PRAMEF1: variants seen among roughly 807,000 people sequenced by gnomAD.
PRAMEF1 encodes PRAME family member 1.
In PRAMEF1, 21 loss-of-function variants were observed where a neutral mutation model predicts 38.2. The ratio of observed to expected loss-of-function variants is 0.55; its 90% CI spans 0.39 to 0.79. The LOEUF is 0.79. PRAMEF1 is among the 30% of genes least tolerant of loss of function. PRAMEF1 has a pLI of 0.00. For synonymous variants in PRAMEF1, 200 were observed against 229.0 expected, an observed-to-expected ratio of 0.87 and a Z score of 1.14; for missense variants, 497 against 565.8, an observed-to-expected ratio of 0.88 and a Z score of 1.23.
In PRAMEF1 at chr1:12,794,977, A is replaced by G; in HGVS notation, c.867-461A>G. ...TTTTGAACTCCAGGAAAGGTAATTG[A>G]CATGGGAAATGCGTGCTTCCGGGAT... On this transcript the variant is annotated intron_variant, in intron 3 of 3. Transcript: ENST00000332296. 2.3e-6 allele frequency: 3 copies of G among 1,322,254 alleles called. 1 individual carries two copies. Among genetic ancestry groups the G allele is most frequent in the Non-Finnish European group, 3.0e-6 (3 of 1,003,344 alleles). 81.9% of individuals were successfully genotyped at this position (1,322,254 alleles called of 1,614,324 possible).
rs765213758 is a variant in PRAMEF1, at chr1:12,794,107, G to A, written c.480G>A (p.Gln160=). Residue 160 remains glutamine, a synonymous_variant, in exon 3 of 4, where the codon CAG becomes CAA. Coordinates refer to ENST00000332296, the MANE Select transcript of PRAMEF1 (RefSeq NM_023013.4). The part of the protein sequence containing the change: ...FIDICLKEIP[Q]DECLRYLFQW... ...ACATCTGCCTCAAGGAAATACCCCA[G>A]GATGAATGCCTGAGATACCTCTTCC... The A allele has an allele frequency of 4.3e-6, 7 of 1,609,746 alleles. No homozygotes were observed. The highest frequency in any genetic ancestry group is 5.9e-6 in the Non-Finnish European group (7 of 1,178,712).
chr1:12,792,040 C>G (rs1342231658), intron 1 of PRAMEF1, among the ~76,000 whole-genome samples: 2 of 149,334 alleles, frequency 1.3e-5, no homozygotes, highest in African/African-American at 2.5e-5. Context: ...TTTTTTTTTT[C>G]AGATGGAGTT....
rs1285591262 is a variant in PRAMEF1 at position 12,795,444 on chromosome 1, C to T, written c.873C>T (p.Leu291=). 6.2e-7 allele frequency: 1 copy of T among 1,611,258 alleles called. No homozygotes were observed. The highest frequency in any genetic ancestry group is 2.2e-5 in the East Asian group (1 of 44,660). ...SGHLEQLIRC[L]QNPLENLELT... is the part of the protein sequence containing the mutation. ...AACTTCTTGATCTCCACAGGTGCCT[C>T]CAGAACCCCTTGGAGAACTTGGAAT... Residue 291 remains leucine, a synonymous_variant, in exon 4 of 4, where the codon CTC becomes CTT. Coordinates refer to ENST00000332296, the MANE Select transcript of PRAMEF1 (RefSeq NM_023013.4).
Position 12,795,694 on chromosome 1 carries a change from C to A in PRAMEF1, c.1123C>A (p.Arg375Ser). ...CAGTGCCATCCTGCCTGGCCTGAGC[C>A]GCTGCTCCCAGCTCACCACCTTCTA... ...QLSAILPGLS[R>S]CSQLTTFYFG... The change falls in exon 4 of 4, where the codon CGC becomes AGC. Residue 375 changes from arginine to serine, a missense_variant. Coordinates refer to ENST00000332296, the MANE Select transcript of PRAMEF1 (RefSeq NM_023013.4). 1 of 1,597,972 alleles carries A rather than the reference C, an allele frequency of 6.3e-7. No individual in the cohort carries two copies. The highest frequency in any genetic ancestry group is 8.6e-7 in the Non-Finnish European group (1 of 1,169,418).
chr1:12,794,762 G>A, intron 3 of PRAMEF1: 1 of 1,377,002 alleles, frequency 7.3e-7, no homozygotes, highest in South Asian at 1.5e-5. Context: ...CAGCTCTATT[G>A]GGGGTGCACG....
At position 12,794,206 on chromosome 1, in the gene PRAMEF1, A is replaced by T; in HGVS notation, c.579A>T (p.Lys193Asn). The change falls in exon 3 of 4, where the codon AAA becomes AAT. Residue 193 changes from lysine to asparagine, a missense_variant. Around this residue, in one of 2 missense-constraint regions of PRAMEF1, gnomAD observed 470 missense variants for 501.9 expected, o/e 0.94. Coordinates refer to ENST00000332296, the MANE Select transcript of PRAMEF1 (RefSeq NM_023013.4). The stretch of plus-strand genomic sequence containing the variant: ...TGGTCAATTATCTAACGCCGATTAA[A>T]TATCTCAGAAAGTCATTGAAAATAA... ...SKLVNYLTPI[K>N]YLRKSLKIIY... 1 of 1,611,356 alleles carries T rather than the reference A, an allele frequency of 6.2e-7. No homozygotes were observed. The highest frequency in any genetic ancestry group is 8.5e-7 in the Non-Finnish European group (1 of 1,178,326).
chr1:12,794,309 C>G lies in PRAMEF1; in HGVS notation c.682C>G (p.Leu228Val). The change falls in exon 3 of 4, where the codon CTG becomes GTG. Residue 228 changes from leucine (L) to valine (V), a missense_variant. Leu to Val is a conservative substitution (Grantham distance 32). Coordinates refer to ENST00000332296, the MANE Select transcript of PRAMEF1 (RefSeq NM_023013.4). ...PRLIRKLRCY[L>V]KEMKNLRKLV... ...TCTGATAAGAAAGCTTCGTTGTTAC[C>G]TGAAGGAGATGAAGAATCTTCGCAA... 6.2e-7 allele frequency: 1 copy of G among 1,612,126 alleles called. No homozygotes were observed. Among genetic ancestry groups the G allele is most frequent in the Non-Finnish European group, 8.5e-7 (1 of 1,179,042 alleles).
At chr1:12,791,961 T>C (rs148074198) in intron 1 of PRAMEF1, among the ~76,000 whole-genome samples, 6,625 of 151,206 alleles carry the variant, frequency 0.044, 554 homozygotes, top group African/African-American at 0.15. Context: ...GTGATGTCTA[T>C]AGGAACCTTC....
In PRAMEF1 at chr1:12,794,274, C is replaced by A. The variant is rs765094876; in HGVS notation, c.647C>A (p.Ser216Tyr). 1 of 1,611,872 alleles carries A rather than the reference C, an allele frequency of 6.2e-7. No homozygotes were observed. The highest frequency in any genetic ancestry group is 1.7e-5 in the Admixed American group (1 of 59,810). ...CAAGAGCTGGAAATTCGCAACATGTCCTGGCCACGTCTGATAAGAAAGCTT... is the reference window on the plus strand; with the variant it reads ...CAAGAGCTGGAAATTCGCAACATGTACTGGCCACGTCTGATAAGAAAGCTT... ...SIQELEIRNMSWPRLIRKLRC... is the reference protein window; with the variant it reads ...SIQELEIRNMYWPRLIRKLRC... The change falls in exon 3 of 4, where the codon TCC (serine) becomes TAC (tyrosine). Residue 216 changes from serine to tyrosine, a missense_variant. By Grantham distance (144) the Ser-to-Tyr change is moderately radical. Around this residue, in one of 2 missense-constraint regions of PRAMEF1, gnomAD observed 470 missense variants for 501.9 expected, o/e 0.94. Transcript: ENST00000332296.
chr1:12,794,036 G>A lies in PRAMEF1; in HGVS notation c.409G>A (p.Asp137Asn). Residue 137 changes from aspartate (D) to asparagine (N), a missense_variant, in exon 3 of 4, where the codon GAC (aspartate) becomes AAC (asparagine). Physicochemically the swap from Asp to Asn is conservative, Grantham distance 23. Transcript: ENST00000332296. ...CACGAGTAAGAGGCAGACAGCAGAG[G>A]ACTGTCCAAGGATGGGAGAGCACCA... is the stretch of plus-strand genomic sequence containing the variant. ...ETTSKRQTAE[D>N]CPRMGEHQPL... is the part of the protein sequence containing the mutation. 1.9e-6 allele frequency: 3 copies of A among 1,608,898 alleles called. No homozygotes were observed. The highest frequency in any genetic ancestry group is 2.2e-5 in the East Asian group (1 of 44,534).
rs1639298930 is a variant in PRAMEF1 at position 12,791,802 on chromosome 1, A to AT, written c.-26+330dup. Among the ~76,000 whole-genome samples the AT allele has an allele frequency of 3.0e-5, 4 of 132,762 alleles. No homozygotes were observed. The South Asian group carries it at 7.7e-4, about 26-fold the overall frequency. The allele number at this position is 132,762 out of a possible 152,430, so 87.1% of individuals were successfully genotyped here. On this transcript the variant is annotated intron_variant, in intron 1 of 3. Transcript: ENST00000332296. ...AATTACAGTTCATAGACTTGGTGTTATTGTGATTCTCCAAGTATGCTTTCA... is the reference window on the plus strand; with the variant it reads ...AATTACAGTTCATAGACTTGGTGTTATTTGTGATTCTCCAAGTATGCTTTCA...
rs1171924722 is a variant in PRAMEF1, at chr1:12,795,645, C to T, written c.1074C>T (p.Gly358=). The part of the protein sequence containing the change: ...AASLKTLILE[G]CQIHYSQLSA... Reference sequence around the variant, plus strand: ...CTCTCAAAACCCTCATCTTGGAGGGCTGTCAGATCCACTACTCCCAACTCA... The same window carrying T: ...CTCTCAAAACCCTCATCTTGGAGGGTTGTCAGATCCACTACTCCCAACTCA... The change falls in exon 4 of 4, where the codon GGC becomes GGT. Residue 358 remains glycine (G), a synonymous_variant. Coordinates refer to ENST00000332296, the MANE Select transcript of PRAMEF1 (RefSeq NM_023013.4). 1 of 1,611,336 alleles carries T rather than the reference C, an allele frequency of 6.2e-7. No individual in the cohort carries two copies. The highest frequency in any genetic ancestry group is 8.5e-7 in the Non-Finnish European group (1 of 1,179,616).
At chr1:12,791,850 A>G (rs1226893793) in intron 1 of PRAMEF1, among the ~76,000 whole-genome samples, 1 of 150,786 alleles carries the variant, frequency 6.6e-6, no homozygotes, top group East Asian at 2.0e-4. Context: ...CCTTAAAGGT[A>G]TCCCACACAG....
rs1157105693 is a variant in PRAMEF1, at chr1:12,795,666, A to G, written c.1095A>G (p.Gln365=). 1.2e-6 allele frequency: 2 copies of G among 1,610,798 alleles called. No individual in the cohort carries two copies. Among genetic ancestry groups the G allele is most frequent in the Non-Finnish European group, 1.7e-6 (2 of 1,179,450 alleles). Residue 365 remains glutamine (Q), a synonymous_variant, in exon 4 of 4, where the codon CAA becomes CAG. Transcript: ENST00000332296. ...AGGGCTGTCAGATCCACTACTCCCA[A>G]CTCAGTGCCATCCTGCCTGGCCTGA... ...ILEGCQIHYS[Q]LSAILPGLSR...
intron 3 of PRAMEF1, chr1:12,794,839 A>G (rs1639364343): frequency 5.3e-6 from 7 of 1,332,006 alleles, no homozygotes; most frequent in Non-Finnish European, 6.9e-6. Flanking sequence ...AGAGGAGGGT[A>G]TGAAAGGAGG....
chr1:12,792,870 G>T lies in PRAMEF1; in HGVS notation c.-25-333G>T, dbSNP rs188018852. Among the ~76,000 whole-genome samples, 717 of 151,056 alleles carry T rather than the reference G, an allele frequency of 4.7e-3. 24 individuals are homozygous for T. Among genetic ancestry groups the T allele is most frequent in the Non-Finnish European group, 7.4e-3 (500 of 67,686 alleles). On this transcript the variant is annotated intron_variant, in intron 1 of 3. Coordinates refer to ENST00000332296, the MANE Select transcript of PRAMEF1 (RefSeq NM_023013.4). The stretch of plus-strand genomic sequence containing the variant: ...ATAAAAAATAATGGCATCGATTTTA[G>T]GGAGTCCCTTTAGTGTTCCCCCAGC...
At chr1:12,793,037 C>T (rs1375150517) in intron 1 of PRAMEF1, among the ~76,000 whole-genome samples, 166 bp from the exon 2 acceptor site, 10 of 150,886 alleles carry the variant, frequency 6.6e-5, no homozygotes, top group South Asian at 2.2e-4. Context: ...TGGCACTGTC[C>T]GGTGGTTCTG....
rs375549329 is a variant in PRAMEF1 at position 12,793,059 on chromosome 1, A to C, written c.-25-144A>C. 389 of 1,127,136 alleles carry C rather than the reference A, an allele frequency of 3.5e-4. 7 individuals are homozygous for C. In the African/African-American group the frequency reaches 5.1e-3, roughly 15 times the overall value. The allele number at this position is 1,127,136 out of a possible 1,614,324, so 69.8% of individuals were successfully genotyped here. On this transcript the variant is annotated intron_variant, in intron 1 of 3. Transcript: ENST00000332296. ...GTCCGGTGGTTCTGGGATTCAGTGG[A>C]GCAATGGAAGAAAATTAATAAGTCA...
rs141259766 is a variant in PRAMEF1, at chr1:12,794,175, G to C, written c.548G>C (p.Ser183Thr). Residue 183 changes from serine (S) to threonine (T), a missense_variant, in exon 3 of 4, where the codon AGT (serine) becomes ACT (threonine). By Grantham distance (58) the Ser-to-Thr change is moderately conservative. Around this residue, in one of 2 missense-constraint regions of PRAMEF1, gnomAD observed 470 missense variants for 501.9 expected, o/e 0.94. Coordinates refer to ENST00000332296, the MANE Select transcript of PRAMEF1 (RefSeq NM_023013.4). Reference sequence around the variant, plus strand: ...AGAGGTTTAGTACACCTGTGCTGTAGTAAGCTGGTCAATTATCTAACGCCG... The same window carrying C: ...AGAGGTTTAGTACACCTGTGCTGTACTAAGCTGGTCAATTATCTAACGCCG... ...QRRGLVHLCC[S>T]KLVNYLTPIK... 1.2e-6 allele frequency: 2 copies of C among 1,611,266 alleles called. No individual in the cohort carries two copies. The highest frequency in any genetic ancestry group is 8.5e-7 in the Non-Finnish European group (1 of 1,178,438).
Sources: gnomAD v4.1 joint callset for allele counts (sites outside exome capture counted in the v4.1 genomes callset) on GRCh38, gnomAD v4.1.1 for gene constraint, gnomAD v4.1.1 regional missense constraint, MANE v1.5 for transcripts, NCBI Gene and HGNC (gene_info 2026-07-23, HGNC 2026-07-21) for gene names.